PPIP5K2: variants seen among roughly 807,000 people sequenced by gnomAD.
PPIP5K2 encodes the protein diphosphoinositol pentakisphosphate kinase 2.
Under a neutral mutation model 154.6 loss-of-function variants are expected in PPIP5K2, and 105 were observed. That is an observed-to-expected ratio of 0.68 (90% CI 0.58 to 0.80). The LOEUF is 0.80. PPIP5K2 is among the 30% of genes least tolerant of loss of function. The pLI is 0.00. For missense variants in PPIP5K2, 992 were observed against 1,504.6 expected (o/e 0.66, Z 5.64); for synonymous variants, 480 against 490.3 (o/e 0.98, Z 0.28).
At chr5:103,161,751 C>T (rs1409055331) in intron 17 of PPIP5K2, among the ~76,000 whole-genome samples, 4 of 152,162 alleles carry the variant, frequency 2.6e-5, no homozygotes, top group African/African-American at 7.2e-5. Context: ...TAAATGTCTT[C>T]TTTTGAGAAG....
rs782004098 is a variant in PPIP5K2, at chr5:103,173,332, A to C, written c.2414+50A>C. On this transcript the variant is annotated intron_variant, in intron 20 of 30. Transcript: ENST00000358359. Reference sequence around the variant, plus strand: ...AATCTCTAGGCATCTATTTTTGCATACTTCAAATTTAAATTATACTTTGAT... The same window carrying C: ...AATCTCTAGGCATCTATTTTTGCATCCTTCAAATTTAAATTATACTTTGAT... The C allele has an allele frequency of 2.6e-6, 4 of 1,566,420 alleles. No homozygotes were observed. In the Admixed American group the frequency reaches 7.7e-5, roughly 30 times the overall value.
chr5:103,140,208 C>T (rs563476527), intron 5 of PPIP5K2, among the ~76,000 whole-genome samples: 1 of 150,198 alleles, frequency 6.7e-6, no homozygotes, highest in Admixed American at 6.6e-5. Flanking sequence ...AGAATTAGTG[C>T]TCTTAAAGAG....
In PPIP5K2 at chr5:103,203,339, A is replaced by G. The variant is rs1168084586; in HGVS notation, c.*1705A>G. On this transcript the variant is annotated 3_prime_UTR_variant, in exon 31 of 31. Coordinates refer to ENST00000358359, the MANE Select transcript of PPIP5K2 (RefSeq NM_001276277.3). ...ATAAAATTTATTATTGGCTATATAC[A>G]TAGCAATATATTACTTTCCAAACTA... The G allele has an allele frequency of 2.0e-5, 3 of 152,166 alleles. No homozygotes were observed. The highest frequency in any genetic ancestry group is 6.6e-5 in the Admixed American group (1 of 15,258). The allele number at this position is 152,166 out of a possible 1,614,324, so 9.4% of individuals were successfully genotyped here.
In PPIP5K2 at chr5:103,195,017, G is replaced by T. The variant is rs1554228075; in HGVS notation, c.3611G>T (p.Ser1204Ile). ...ACCTTAAAGAGCACTAAAGCAAGCA[G>T]CAAACCAGGTAAGGGGTGTGTGTGT... is the stretch of plus-strand genomic sequence containing the variant. ...PATLKSTKAS[S>I]KPATSGPSSA... is the part of the protein sequence containing the mutation. The change falls in exon 30 of 31, where the codon AGC (serine) becomes ATC (isoleucine). Residue 1204 changes from serine to isoleucine, a missense_variant. Transcript: ENST00000358359. 6.2e-7 allele frequency: 1 copy of T among 1,613,564 alleles called. No homozygotes were observed. The highest frequency in any genetic ancestry group is 1.7e-5 in the Admixed American group (1 of 59,958).
intron 8 of PPIP5K2, among the ~76,000 whole-genome samples, chr5:103,149,702 CTT>C (rs548259015): frequency 7.1e-5 from 10 of 140,192 alleles, no homozygotes; most frequent in Non-Finnish European, 9.4e-5. Context: ...AAAAACATTT[CTT>C]TTTTTTTTTT....
intron 30 of PPIP5K2, among the ~76,000 whole-genome samples, chr5:103,196,879 A>G (rs1381390707): frequency 6.6e-6 from 1 of 152,150 alleles, no homozygotes; most frequent in Non-Finnish European, 1.5e-5. Context: ...GTAGCATGTC[A>G]CTGTCTGGGA....
At chr5:103,157,996 G>A (rs1437986386) in intron 14 of PPIP5K2, among the ~76,000 whole-genome samples, 192 bp from the exon 15 acceptor site, 2 of 152,178 alleles carry the variant, frequency 1.3e-5, no homozygotes, top group African/African-American at 4.8e-5. Context: ...TATAGCAAGG[G>A]AGTATTCCTT....
intron 21 of PPIP5K2, among the ~76,000 whole-genome samples, chr5:103,175,949 A>G (rs115754558): frequency 6.6e-6 from 1 of 152,130 alleles, no homozygotes; most frequent in Non-Finnish European, 1.5e-5. Context: ...TCATTATCCC[A>G]ACTCTTATTA....
At chr5:103,172,996 A>C (rs552993315) in intron 19 of PPIP5K2, among the ~76,000 whole-genome samples, 159 bp from the exon 20 acceptor site, 1 of 152,066 alleles carries the variant, frequency 6.6e-6, no homozygotes, top group East Asian at 1.9e-4. Flanking sequence ...TTTGAAAATC[A>C]TACATTTGCA....
At chr5:103,146,005 A>G (rs1320135389) in intron 5 of PPIP5K2, among the ~76,000 whole-genome samples, 1 of 152,050 alleles carries the variant, frequency 6.6e-6, no homozygotes, top group African/African-American at 2.4e-5. Context: ...AATATATACA[A>G]CTACTATGTA....
intron 19 of PPIP5K2, among the ~76,000 whole-genome samples, chr5:103,170,458 T>C (rs889090247): frequency 3.1e-4 from 47 of 151,592 alleles, no homozygotes; most frequent in African/African-American, 1.1e-3. Context: ...TTTTAAATCG[T>C]TTGACTCTTC....
chr5:103,209,350 C>G lies in PPIP5K2; in HGVS notation c.*7716C>G, dbSNP rs1302094691. 1 of 152,036 alleles carries G rather than the reference C, an allele frequency of 6.6e-6. No homozygotes were observed. Among genetic ancestry groups the G allele is most frequent in the Non-Finnish European group, 1.5e-5 (1 of 67,994 alleles). 9.4% of individuals were successfully genotyped at this position (152,036 alleles called of 1,614,324 possible). A position where few individuals can be genotyped will look rare whatever the true frequency, so the allele number is the denominator to read the frequency against. On this transcript the variant is annotated 3_prime_UTR_variant, in exon 31 of 31. Coordinates refer to ENST00000358359, the MANE Select transcript of PPIP5K2 (RefSeq NM_001276277.3). The stretch of plus-strand genomic sequence containing the variant: ...AATAAAGGTTATTCTAGCATCTTCT[C>G]CTTTTAAAAATCTTTAAAATAAGAG...
chr5:103,172,987 T>C (rs1358456239), intron 19 of PPIP5K2, among the ~76,000 whole-genome samples, 168 bp from the exon 20 acceptor site: 1 of 151,938 alleles, frequency 6.6e-6, no homozygotes, highest in African/African-American at 2.4e-5. Context: ...ACTTAATAGT[T>C]TGAAAATCAT....
At chr5:103,196,141 T>C (rs1802060264) in intron 30 of PPIP5K2, among the ~76,000 whole-genome samples, 1 of 152,188 alleles carries the variant, frequency 6.6e-6, no homozygotes, top group African/African-American at 2.4e-5. Flanking sequence ...TAAATTCCCT[T>C]AGCATTCATG....
At chr5:103,150,535 G>A (rs942941779) in intron 8 of PPIP5K2, among the ~76,000 whole-genome samples, 1 of 152,194 alleles carries the variant, frequency 6.6e-6, no homozygotes, top group Non-Finnish European at 1.5e-5. Flanking sequence ...CACTTTGGGG[G>A]TGCTGAGGTA....
intron 17 of PPIP5K2, 63 bp downstream of exon 17, chr5:103,159,391 A>G (rs1316433042): frequency 3.0e-6 from 4 of 1,328,738 alleles, no homozygotes; most frequent in Non-Finnish European, 4.1e-6. Context: ...TGATAAGTGC[A>G]TAAAACATAC....
intron 17 of PPIP5K2, among the ~76,000 whole-genome samples, chr5:103,166,719 G>C (rs1797173852): frequency 6.6e-6 from 1 of 151,846 alleles, no homozygotes; most frequent in South Asian, 2.1e-4. Flanking sequence ...ACAACAGAGG[G>C]AACTAGAGAA....
In PPIP5K2 at chr5:103,189,238, T is replaced by C. The variant is rs202216016; in HGVS notation, c.3353-1604T>C. ...TCTAGGCTCCAGTGGTATGTTTTTA[T>C]AGCTTCTAAACATGTCAGCAGGGTG... On this transcript the variant is annotated intron_variant, in intron 28 of 30. Transcript: ENST00000358359. 179 of 1,506,944 alleles carry C rather than the reference T, an allele frequency of 1.2e-4. No homozygotes were observed. In the East Asian group the frequency reaches 4.2e-3, roughly 35 times the overall value. 93.3% of individuals were successfully genotyped at this position (1,506,944 alleles called of 1,614,324 possible).
intron 6 of PPIP5K2, among the ~76,000 whole-genome samples, chr5:103,147,205 A>G (rs782073972): frequency 6.6e-6 from 1 of 152,000 alleles, no homozygotes; most frequent in African/African-American, 2.4e-5. Flanking sequence ...TCTTAACAAT[A>G]TAATTTAGCA....
Sources: allele counts gnomAD v4.1 joint callset (sites outside exome capture counted in the v4.1 genomes callset), GRCh38; gene constraint gnomAD v4.1.1; transcripts MANE v1.5; gene names NCBI Gene and HGNC (gene_info 2026-07-23, HGNC 2026-07-21).